Variants in BAIAP2 observed in about 807,000 individuals in gnomAD.
The protein encoded by BAIAP2 is BAR/IMD domain-containing adapter protein 2.
Under a neutral mutation model 63.0 loss-of-function variants are expected in BAIAP2, and 18 were observed. The ratio of observed to expected loss-of-function variants is 0.29; its 90% CI spans 0.20 to 0.42. The LOEUF is 0.42. Among genes scored for constraint, BAIAP2 ranks in the 10% least tolerant of loss-of-function variants. BAIAP2 has a pLI of 1.00. For missense variants in BAIAP2, 610 were observed against 734.3 expected, an observed-to-expected ratio of 0.83 and a Z score of 1.96; for synonymous variants, 386 against 307.6, an observed-to-expected ratio of 1.25 and a Z score of -2.67.
intron 13 of BAIAP2, chr17:81,109,333 C>T (rs187003348): frequency 4.6e-5 from 53 of 1,154,804 alleles, no homozygotes; most frequent in East Asian, 4.3e-4. Context: ...TAAGGCTCGC[C>T]GTGAGCCAGG....
intron 5 of BAIAP2, 59 bp from the exon 6 acceptor site, chr17:81,086,384 G>T: frequency 6.3e-7 from 1 of 1,590,980 alleles, no homozygotes. Flanking sequence ...TGCTGCCAGT[G>T]GTCCGCGCTG....
intron 3 of BAIAP2, among the ~76,000 whole-genome samples, chr17:81,079,668 C>T (rs922666871): frequency 6.6e-6 from 1 of 152,214 alleles, no homozygotes; most frequent in South Asian, 2.1e-4. Flanking sequence ...TTTCCATCAC[C>T]CCCAACACCC....
chr17:81,061,522 C>T (rs530195464), intron 3 of BAIAP2, among the ~76,000 whole-genome samples: 88 of 152,286 alleles, frequency 5.8e-4, no homozygotes, highest in African/African-American at 2.1e-3. Flanking sequence ...TGGAACCATA[C>T]GGCGTGTCTT....
intron 3 of BAIAP2, among the ~76,000 whole-genome samples, chr17:81,084,377 A>G (rs560453876): frequency 6.6e-6 from 1 of 152,294 alleles, no homozygotes; most frequent in East Asian, 1.9e-4. Flanking sequence ...GCGTGTGCCC[A>G]TGGGTGTCCC....
Position 81,044,488 on chromosome 17 carries a change from C to G in BAIAP2, c.54+9180C>G, listed in dbSNP as rs145498146. 1.2e-3 allele frequency among the ~76,000 whole-genome samples: 181 copies of G among 152,364 alleles called. 1 individual carries two copies. Among genetic ancestry groups the G allele is most frequent in the African/African-American group, 4.2e-3 (175 of 41,578 alleles). ...TGGTCCTATGGGATTAGGGCCCGCCCTAGTGACCCCAGTTACTTTTATCGC... is the reference window on the plus strand; with the variant it reads ...TGGTCCTATGGGATTAGGGCCCGCCGTAGTGACCCCAGTTACTTTTATCGC... On this transcript the variant is annotated intron_variant, in intron 1 of 13. Transcript: ENST00000428708.
intron 1 of BAIAP2, among the ~76,000 whole-genome samples, chr17:81,048,465 G>A (rs1241029408): frequency 6.6e-6 from 1 of 151,636 alleles, no homozygotes; most frequent in East Asian, 1.9e-4. Context: ...GGTCCTTTCT[G>A]TAAATGTACT....
In BAIAP2 at chr17:81,106,219, G is replaced by T. The variant is rs1466233191; in HGVS notation, c.1337+73G>T. ...GGGCTGTGATGACACCAGGTCCCTG[G>T]GCTTGGATTGCTCGGCTGGGCTTCC... On this transcript the variant is annotated intron_variant, in intron 11 of 13. Transcript: ENST00000428708. The T allele has an allele frequency of 4.1e-6, 6 of 1,459,990 alleles. No homozygotes were observed. The African/African-American group carries it at 7.0e-5, about 17-fold the overall frequency. 90.4% of individuals were successfully genotyped at this position (1,459,990 alleles called of 1,614,324 possible). A position where few individuals can be genotyped will look rare whatever the true frequency, so the allele number is the denominator to read the frequency against.
chr17:81,085,815 T>C, intron 5 of BAIAP2, 90 bp downstream of exon 5: 1 of 1,009,226 alleles, frequency 9.9e-7, no homozygotes, highest in South Asian at 1.4e-5. Flanking sequence ...CCTGAAGGCT[T>C]CCCACTTCCC....
chr17:81,040,702 G>A (rs2046962511), intron 1 of BAIAP2, among the ~76,000 whole-genome samples: 1 of 152,224 alleles, frequency 6.6e-6, no homozygotes, highest in African/African-American at 2.4e-5. Flanking sequence ...CGGTGGCCTG[G>A]GCCCTCTGAG....
chr17:81,101,050 C>T (rs908743124), intron 7 of BAIAP2, among the ~76,000 whole-genome samples: 2 of 151,172 alleles, frequency 1.3e-5, no homozygotes, highest in African/African-American at 4.8e-5. Flanking sequence ...AGGCGTCCCC[C>T]GGCACAGTCC....
intron 7 of BAIAP2, among the ~76,000 whole-genome samples, chr17:81,102,008 G>T (rs2058556585): frequency 6.6e-6 from 1 of 152,216 alleles, no homozygotes; most frequent in Non-Finnish European, 1.5e-5. Flanking sequence ...GGTGCTGCCT[G>T]CAGGGATGGA....
intron 1 of BAIAP2, among the ~76,000 whole-genome samples, chr17:81,053,114 C>T (rs146611642): frequency 2.6e-5 from 4 of 152,338 alleles, no homozygotes; most frequent in Non-Finnish European, 5.9e-5. Flanking sequence ...ATCTTGGCAC[C>T]GAGATGCCCG....
At chr17:81,091,911 G>A (rs1304877634) in intron 6 of BAIAP2, among the ~76,000 whole-genome samples, 2 of 151,688 alleles carry the variant, frequency 1.3e-5, no homozygotes, top group Admixed American at 6.6e-5. Flanking sequence ...GGCCTGGCTG[G>A]TGGTGCAGCC....
At chr17:81,093,034 C>T (rs1422065756) in intron 6 of BAIAP2, among the ~76,000 whole-genome samples, 1 of 151,692 alleles carries the variant, frequency 6.6e-6, no homozygotes, top group Non-Finnish European at 1.5e-5. Context: ...ATGCCCCATC[C>T]TGCATCTGGA....
In BAIAP2 at chr17:81,111,526, C is replaced by T. The variant is rs1445966612; in HGVS notation, c.1535+3017C>T. Among the ~76,000 whole-genome samples the T allele has an allele frequency of 2.0e-5, 3 of 152,246 alleles. 1 individual carries two copies. Among genetic ancestry groups the T allele is most frequent in the African/African-American group, 7.2e-5 (3 of 41,456 alleles). On this transcript the variant is annotated intron_variant, in intron 13 of 13. Coordinates refer to ENST00000428708, the MANE Select transcript of BAIAP2 (RefSeq NM_001144888.2). ...TGTCCCCCAAGCCCCACAACGTGGA[C>T]CCAAGACACTGGCTCCATCCCTAGT...
intron 3 of BAIAP2, among the ~76,000 whole-genome samples, chr17:81,062,377 G>A (rs2050714822): frequency 6.6e-6 from 1 of 151,646 alleles, no homozygotes; most frequent in African/African-American, 2.4e-5. Flanking sequence ...ATGACTCTGT[G>A]GTATTTATTA....
At position 81,108,496 on chromosome 17, in the gene BAIAP2, C is replaced by A. The variant is rs777270344; in HGVS notation, c.1522C>A (p.Arg508=). 27 of 1,613,744 alleles carry A rather than the reference C, an allele frequency of 1.7e-5. No homozygotes were observed. The highest frequency in any genetic ancestry group is 2.3e-5 in the Non-Finnish European group (27 of 1,180,020). Residue 508 remains arginine (R), a synonymous_variant, in exon 13 of 14, where the codon CGG becomes AGG. Transcript: ENST00000428708. ...FSQGLDDYGA[R]SMSRNPFAHV... is the part of the protein sequence containing the mutation. ...CCAGGGCCTGGATGACTATGGAGCG[C>A]GGTCCATGAGCAGGTAAGGGGACTT... is the stretch of plus-strand genomic sequence containing the variant.
chr17:81,054,400 C>G (rs1231458709), intron 2 of BAIAP2, among the ~76,000 whole-genome samples: 2 of 152,188 alleles, frequency 1.3e-5, no homozygotes, highest in East Asian at 3.8e-4. Flanking sequence ...GGGGCCTGGT[C>G]AGGAGCGAAA....
chr17:81,073,632 A>G (rs1405434883), intron 3 of BAIAP2, among the ~76,000 whole-genome samples: 1 of 152,204 alleles, frequency 6.6e-6, no homozygotes, highest in Non-Finnish European at 1.5e-5. Context: ...CCCTGGGCTG[A>G]GAGCATCCGA....
Sources: allele counts gnomAD v4.1 joint callset (sites outside exome capture counted in the v4.1 genomes callset), GRCh38; gene constraint gnomAD v4.1.1; transcripts MANE v1.5; gene names NCBI Gene and HGNC (gene_info 2026-07-23, HGNC 2026-07-21).